AGO2: variants seen among roughly 807,000 people sequenced by gnomAD.
AGO2 encodes the protein argonaute RISC catalytic component 2, also known as protein argonaute-2.
Under a neutral mutation model 102.3 loss-of-function variants are expected in AGO2, and 5 were observed. That is an observed-to-expected ratio of 0.05 (90% CI 0.03 to 0.10). The LOEUF (loss-of-function observed/expected upper bound fraction) is 0.10. Ranked by LOEUF, AGO2 falls within the 10% of genes least tolerant of loss-of-function variation. The pLI is 1.00. For missense variants in AGO2, 541 were observed against 1,183.7 expected (o/e 0.46, Z 7.97); for synonymous variants, 449 against 473.1 (o/e 0.95, Z 0.66).
At chr8:140,603,414 C>T (rs889734913) in intron 1 of AGO2, among the ~76,000 whole-genome samples, 9 of 152,228 alleles carry the variant, frequency 5.9e-5, no homozygotes, top group Non-Finnish European at 7.3e-5. Context: ...TTTTCCAGTG[C>T]ACACTGAGGT....
At chr8:140,568,332 A>G (rs1386803744) in intron 3 of AGO2, among the ~76,000 whole-genome samples, 1 of 150,498 alleles carries the variant, frequency 6.6e-6, no homozygotes, top group Non-Finnish European at 1.5e-5. Context: ...GTATGAAGCC[A>G]GGGAAAAGGC....
chr8:140,570,387 G>A (rs2073359557), intron 3 of AGO2, among the ~76,000 whole-genome samples: 1 of 144,250 alleles, frequency 6.9e-6, no homozygotes, highest in Non-Finnish European at 1.5e-5. Context: ...CCCTATGCTT[G>A]GCTATTTTTT....
rs2072523679 is a variant in AGO2, at chr8:140,527,354, C to T, written c.*4690G>A. On this transcript the variant is annotated 3_prime_UTR_variant, in exon 19 of 19. Transcript: ENST00000220592. The surrounding 1 kb of genome is among the most constrained non-coding windows in gnomAD (Gnocchi z 6.0). ...AGGCAGTGTCTCCACAACAGAGCCA[C>T]GTGTTGCATTCATGTCACTTCTCCT... 1 of 152,424 alleles carries T rather than the reference C, an allele frequency of 6.6e-6. No individual in the cohort carries two copies. The highest frequency in any genetic ancestry group is 1.5e-5 in the Non-Finnish European group (1 of 68,050). 9.4% of individuals were successfully genotyped at this position (152,424 alleles called of 1,614,324 possible).
chr8:140,640,004 A>T (rs2074431557), upstream of AGO2, among the ~76,000 whole-genome samples: 1 of 151,008 alleles, frequency 6.6e-6, no homozygotes, highest in East Asian at 1.9e-4. Context: ...TCAAGTTGCC[A>T]TTTTTTTTTA....
In AGO2 at chr8:140,589,329, C is replaced by A. The variant is rs999636008; in HGVS notation, c.23-4018G>T. Among the ~76,000 whole-genome samples, 1 of 152,158 alleles carries A rather than the reference C, an allele frequency of 6.6e-6. No homozygotes were observed. The highest frequency in any genetic ancestry group is 2.4e-5 in the African/African-American group (1 of 41,420). On this transcript the variant is annotated intron_variant, in intron 1 of 18. Transcript: ENST00000220592. This position sits in a 1 kb window ranked among gnomAD's most constrained non-coding sequence, Gnocchi z 4.2. ...AAATAAATGAATAGCCCAGCTCTTCCGTGAAGCCGCTTTGGCTACCGGCGG... is the reference window on the plus strand; with the variant it reads ...AAATAAATGAATAGCCCAGCTCTTCAGTGAAGCCGCTTTGGCTACCGGCGG...
intron 3 of AGO2, among the ~76,000 whole-genome samples, chr8:140,569,020 C>T (rs1034637602): frequency 2.6e-5 from 4 of 152,218 alleles, no homozygotes; most frequent in Non-Finnish European, 4.4e-5. Flanking sequence ...GGCCTCTCCT[C>T]GCCCCCGCCC....
rs141643161 is a variant in AGO2, at chr8:140,630,993, G to A, written c.22+4492C>T. Among the ~76,000 whole-genome samples, 732 of 152,228 alleles carry A rather than the reference G, an allele frequency of 4.8e-3. 9 individuals are homozygous for A. The highest frequency in any genetic ancestry group is 0.016 in the African/African-American group (670 of 41,526). On this transcript the variant is annotated intron_variant, in intron 1 of 18. Coordinates refer to ENST00000220592, the MANE Select transcript of AGO2 (RefSeq NM_012154.5). ...GGCTTGTGCCCAGGAGTTTGAGGCCGCAGTGAGCCATGACTGTGTAACTGC... is the reference window on the plus strand; with the variant it reads ...GGCTTGTGCCCAGGAGTTTGAGGCCACAGTGAGCCATGACTGTGTAACTGC...
rs552637943 is a variant in AGO2 at position 140,548,420 on chromosome 8, C to A, written c.1588+694G>T. 7.4e-4 allele frequency among the ~76,000 whole-genome samples: 112 copies of A among 152,142 alleles called. 1 individual carries two copies. Among genetic ancestry groups the A allele is most frequent in the Non-Finnish European group, 1.3e-3 (88 of 68,014 alleles). On this transcript the variant is annotated intron_variant, in intron 12 of 18. Coordinates refer to ENST00000220592, the MANE Select transcript of AGO2 (RefSeq NM_012154.5). Reference sequence around the variant, plus strand: ...GTGGTTAAAAATAAAAACACTGGCACCCTCCAAATCCTTGGCAGATGTAGA... The same window carrying A: ...GTGGTTAAAAATAAAAACACTGGCAACCTCCAAATCCTTGGCAGATGTAGA...
At chr8:140,616,931 G>A (rs1483891390) in intron 1 of AGO2, among the ~76,000 whole-genome samples, 1 of 152,232 alleles carries the variant, frequency 6.6e-6, no homozygotes, top group African/African-American at 2.4e-5. Context: ...GTTTTCACCA[G>A]GCAGCCTGTC....
chr8:140,583,222 C>A (rs2073584998), intron 2 of AGO2, among the ~76,000 whole-genome samples: 1 of 152,242 alleles, frequency 6.6e-6, no homozygotes, highest in African/African-American at 2.4e-5. Context: ...AGGTCTTTGG[C>A]TTCCCTGATT....
At chr8:140,564,450 C>T (rs73713190) in intron 3 of AGO2, among the ~76,000 whole-genome samples, 7,328 of 152,240 alleles carry the variant, frequency 0.048, 587 homozygotes, top group African/African-American at 0.17. Context: ...GTTGGAACTA[C>T]GCAAGCGGAG....
intron 17 of AGO2, among the ~76,000 whole-genome samples, chr8:140,533,253 G>C (rs1302928900): frequency 6.6e-6 from 1 of 151,708 alleles, no homozygotes; most frequent in East Asian, 2.0e-4. Context: ...GCCAGGCGTG[G>C]TGGCGGGCAT....
chr8:140,532,134 G>A lies in AGO2; in HGVS notation c.2490C>T (p.Thr830=). 1 of 1,614,166 alleles carries A rather than the reference G, an allele frequency of 6.2e-7. No homozygotes were observed. The highest frequency in any genetic ancestry group is 8.5e-7 in the Non-Finnish European group (1 of 1,180,010). The change falls in exon 19 of 19, where the codon ACC becomes ACT. Residue 830 remains threonine, a synonymous_variant. Transcript: ENST00000220592. ...GGTCTCGCCCGTTACTCTGCCCAGAGGTATGGCTTCCTTCAGCACTGCAGG... is the reference window on the plus strand; with the variant it reads ...GGTCTCGCCCGTTACTCTGCCCAGAAGTATGGCTTCCTTCAGCACTGCAGG... ...KEHDSAEGSH[T]SGQSNGRDHQ... is the part of the protein sequence containing the mutation.
intron 12 of AGO2, among the ~76,000 whole-genome samples, chr8:140,547,898 T>C (rs2072929330): frequency 6.6e-6 from 1 of 152,256 alleles, no homozygotes; most frequent in Admixed American, 6.5e-5. Flanking sequence ...GGAAGGGAAG[T>C]TGAGTGAGTC....
chr8:140,550,752 G>C (rs948857260), intron 11 of AGO2, among the ~76,000 whole-genome samples: 1 of 152,090 alleles, frequency 6.6e-6, no homozygotes, highest in Non-Finnish European at 1.5e-5. Context: ...GAGTAGCTGG[G>C]ACTACAGGTG....
At chr8:140,624,472 G>A (rs920012029) in intron 1 of AGO2, among the ~76,000 whole-genome samples, 7 of 152,200 alleles carry the variant, frequency 4.6e-5, no homozygotes, top group Non-Finnish European at 8.8e-5. Context: ...CTCCAGCTCC[G>A]GCCACCAATC....
chr8:140,568,287 G>GAAA (rs4058201), intron 3 of AGO2, among the ~76,000 whole-genome samples: 2 of 132,074 alleles, frequency 1.5e-5, no homozygotes, highest in African/African-American at 3.1e-5. Context: ...ATGTCTGGGG[G>GAAA]AAAAAAAAAA....
At chr8:140,569,521 C>G (rs2073344654) in intron 3 of AGO2, among the ~76,000 whole-genome samples, 1 of 152,198 alleles carries the variant, frequency 6.6e-6, no homozygotes, top group Non-Finnish European at 1.5e-5. Context: ...CTTCTGGCCA[C>G]CTTCCTAAAT....
At position 140,580,050 on chromosome 8, in the gene AGO2, A is replaced by T. The variant is rs552893366; in HGVS notation, c.215+5069T>A. On this transcript the variant is annotated intron_variant, in intron 2 of 18. Transcript: ENST00000220592. ...CCACCCGTGCTTCTCGGAACAGAGC[A>T]TGGGGGCAAGGCCCACGTGACTTCA... Among the ~76,000 whole-genome samples the T allele has an allele frequency of 4.6e-5, 6 of 129,294 alleles. No individual in the cohort carries two copies. The South Asian group carries it at 1.2e-3, about 26-fold the overall frequency. 84.8% of individuals were successfully genotyped at this position (129,294 alleles called of 152,430 possible). A position where few individuals can be genotyped will look rare whatever the true frequency, so the allele number is the denominator to read the frequency against.
Sources: allele counts gnomAD v4.1 joint callset (sites outside exome capture counted in the v4.1 genomes callset), GRCh38; gene constraint gnomAD v4.1.1; non-coding constraint Gnocchi (gnomAD v3.1); transcripts MANE v1.5; gene names NCBI Gene and HGNC (gene_info 2026-07-23, HGNC 2026-07-21).